Variants in UTS2 observed in about 807,000 individuals in gnomAD.
UTS2 encodes the protein urotensin-2.
In UTS2, 10 loss-of-function variants were observed where a neutral mutation model predicts 12.6. The observed-to-expected ratio is 0.80, with a 90% CI of 0.49 to 1.35. The LOEUF (loss-of-function observed/expected upper bound fraction) is 1.35, where lower values mean the gene tolerates loss of function less well. Among genes scored for constraint, UTS2 ranks in the 40% most tolerant of loss-of-function variants. The probability of loss-of-function intolerance (pLI) is 0.00; values close to 1 mark genes in which losing one functional copy is unlikely to be tolerated. For missense variants in UTS2, 142 were observed against 143.2 expected (o/e 0.99, Z 0.04); for synonymous variants, 52 against 50.0 (o/e 1.04, Z -0.17).
chr1:7,863,042 T>TGTATTGTA, the UTS2 span, among the ~76,000 whole-genome samples: 9 of 28,786 alleles, frequency 3.1e-4, no homozygotes, highest in Non-Finnish European at 6.5e-4. Context: ...TGTATTGTAT[T>TGTATTGTA]GTATTGTATT....
the UTS2 span, among the ~76,000 whole-genome samples, chr1:7,883,345 G>A: frequency 6.6e-6 from 1 of 152,176 alleles, no homozygotes; most frequent in Non-Finnish European, 1.5e-5. Context: ...TCTCATGGAG[G>A]TAGAGAGTAG....
At chr1:7,890,794 G>T in the UTS2 span, among the ~76,000 whole-genome samples, 1 of 148,092 alleles carries the variant, frequency 6.8e-6, no homozygotes, top group Non-Finnish European at 1.5e-5. Flanking sequence ...TACTCGAGAG[G>T]CTGAGGTGGA....
the UTS2 span, among the ~76,000 whole-genome samples, chr1:7,894,707 C>T: frequency 6.6e-6 from 1 of 152,116 alleles, no homozygotes; most frequent in Non-Finnish European, 1.5e-5. Flanking sequence ...TATGGCCGGG[C>T]GCGGTGGCTC....
the UTS2 span, among the ~76,000 whole-genome samples, chr1:7,909,071 G>A: frequency 1.2e-4 from 18 of 152,062 alleles, no homozygotes; most frequent in East Asian, 2.1e-3. Context: ...GATTACAGCC[G>A]TGAGCCACCA....
chr1:7,887,372 T>C, the UTS2 span, among the ~76,000 whole-genome samples: 1 of 152,064 alleles, frequency 6.6e-6, no homozygotes, highest in Non-Finnish European at 1.5e-5. Context: ...CTTGGGCACA[T>C]GTTTACAATC....
At chr1:7,873,988 A>C in the UTS2 span, among the ~76,000 whole-genome samples, 1 of 152,092 alleles carries the variant, frequency 6.6e-6, no homozygotes, top group Non-Finnish European at 1.5e-5. Flanking sequence ...GGCATCCAGC[A>C]CTCACTTCCT....
At chr1:7,878,771 A>G in the UTS2 span, among the ~76,000 whole-genome samples, 1 of 152,330 alleles carries the variant, frequency 6.6e-6, no homozygotes, top group East Asian at 1.9e-4. Flanking sequence ...TGATGCCTAC[A>G]GGAAATTTAC....
At chr1:7,858,795 G>C in the UTS2 span, among the ~76,000 whole-genome samples, 1 of 152,222 alleles carries the variant, frequency 6.6e-6, no homozygotes, top group South Asian at 2.1e-4. Context: ...TGTTCACCAG[G>C]CTGGTCTCAA....
the UTS2 span, among the ~76,000 whole-genome samples, chr1:7,901,387 C>T: frequency 6.6e-6 from 1 of 152,108 alleles, no homozygotes; most frequent in African/African-American, 2.4e-5. Context: ...TCAAAAGGTA[C>T]TAATCTGATG....
At chr1:7,886,214 C>G in the UTS2 span, among the ~76,000 whole-genome samples, 3 of 152,200 alleles carry the variant, frequency 2.0e-5, no homozygotes, top group Non-Finnish European at 4.4e-5. Context: ...CTGTCTCCTG[C>G]TATCAGCACT....
chr1:7,858,694 A>ACGCTTCAGC, the UTS2 span, among the ~76,000 whole-genome samples: 1 of 151,874 alleles, frequency 6.6e-6, no homozygotes, highest in Non-Finnish European at 1.5e-5. Context: ...CCCTATTCTC[A>ACGCTTCAGC]CGCTTCAGCC....
chr1:7,860,805 G>A, the UTS2 span, among the ~76,000 whole-genome samples: 7 of 152,026 alleles, frequency 4.6e-5, no homozygotes, highest in Non-Finnish European at 8.8e-5. Flanking sequence ...AACTTTGGGA[G>A]GCCAAGGCAG....
At chr1:7,865,786 A>C in the UTS2 span, among the ~76,000 whole-genome samples, 2 of 152,014 alleles carry the variant, frequency 1.3e-5, no homozygotes, top group African/African-American at 2.4e-5. Context: ...AATTTTAAAA[A>C]TTAGCCAGGC....
At chr1:7,864,378 G>C in the UTS2 span, among the ~76,000 whole-genome samples, 1 of 151,882 alleles carries the variant, frequency 6.6e-6, no homozygotes, top group African/African-American at 2.4e-5. Context: ...TCTCCCTCCT[G>C]TCTCTCAATC....
chr1:7,866,565 T>C, the UTS2 span, among the ~76,000 whole-genome samples: 1 of 152,116 alleles, frequency 6.6e-6, no homozygotes, highest in Non-Finnish European at 1.5e-5. This position sits in a 1 kb window ranked among gnomAD's most constrained non-coding sequence, Gnocchi z 4.5. Flanking sequence ...CTCATGGTGC[T>C]CTTGAGTCAT....
At chr1:7,863,729 T>G in the UTS2 span, among the ~76,000 whole-genome samples, 3 of 152,354 alleles carry the variant, frequency 2.0e-5, no homozygotes, top group East Asian at 3.9e-4. Flanking sequence ...CAGCCCAAAT[T>G]TAACGTCTAG....
the UTS2 span, among the ~76,000 whole-genome samples, chr1:7,878,213 G>A: frequency 2.6e-4 from 40 of 152,240 alleles, no homozygotes; most frequent in African/African-American, 9.1e-4. Flanking sequence ...GAGAAAAAAC[G>A]TCTTTCCCAG....
chr1:7,896,855 C>A, the UTS2 span, among the ~76,000 whole-genome samples: 1 of 152,024 alleles, frequency 6.6e-6, no homozygotes, highest in African/African-American at 2.4e-5. Context: ...GCCCCCATGC[C>A]TGGCTAATTT....
chr1:7,871,819 T>C, the UTS2 span, among the ~76,000 whole-genome samples: 13 of 152,282 alleles, frequency 8.5e-5, no homozygotes, highest in East Asian at 2.3e-3. Flanking sequence ...CAAATTTAAC[T>C]GATAAAAATA....
Sources: gnomAD v4.1 joint callset for allele counts (sites outside exome capture counted in the v4.1 genomes callset) on GRCh38, gnomAD v4.1.1 for gene constraint, Gnocchi (gnomAD v3.1) non-coding constraint, MANE v1.5 for transcripts, NCBI Gene and HGNC (gene_info 2026-07-23, HGNC 2026-07-21) for gene names.